Variants in ARID4A observed in about 807,000 individuals in gnomAD.
The protein encoded by ARID4A is AT-rich interactive domain-containing protein 4A.
ARID4A carries 39 observed loss-of-function variants against 148.6 expected under a neutral mutation model. The ratio of observed to expected loss-of-function variants is 0.26; its 90% CI spans 0.20 to 0.34. The LOEUF (loss-of-function observed/expected upper bound fraction) is 0.34, where lower values mean the gene tolerates loss of function less well. ARID4A is among the 10% of genes least tolerant of loss of function. ARID4A has a pLI of 1.00. For missense variants in ARID4A, 1,265 were observed against 1,449.1 expected, an observed-to-expected ratio of 0.87 and a Z score of 2.06; for synonymous variants, 475 against 481.2, an observed-to-expected ratio of 0.99 and a Z score of 0.17.
chr14:58,308,136 G>A (rs1049735466), intron 5 of ARID4A, among the ~76,000 whole-genome samples: 10 of 152,188 alleles, frequency 6.6e-5, no homozygotes, highest in African/African-American at 1.9e-4. Flanking sequence ...CATGAGTAGC[G>A]TTTTAGTGTT....
At chr14:58,317,550 A>G (rs575867383) in intron 5 of ARID4A, among the ~76,000 whole-genome samples, 1 of 151,102 alleles carries the variant, frequency 6.6e-6, no homozygotes, top group African/African-American at 2.4e-5. Context: ...CTCGCCTCCC[A>G]AAGTGCTGGG....
intron 18 of ARID4A, 46 bp from the exon 19 acceptor site, chr14:58,360,855 T>C (rs1891956836): frequency 1.3e-6 from 2 of 1,576,680 alleles, no homozygotes; most frequent in African/African-American, 1.4e-5. Flanking sequence ...TGTTCATTTT[T>C]CGTAAAGCAT....
In ARID4A at chr14:58,347,653, C is replaced by G. The variant is rs17094466; in HGVS notation, c.1179C>G (p.Leu393=). Reference sequence around the variant, plus strand: ...TGAAATATTGTTTGTTTAGGTATCTCTATGGTTTTGAGGAGTACTGCCGTT... The same window carrying G: ...TGAAATATTGTTTGTTTAGGTATCTGTATGGTTTTGAGGAGTACTGCCGTT... ...YNVKTAYRKY[L]YGFEEYCRSA... is the part of the protein sequence containing the mutation. The change falls in exon 15 of 24, where the codon CTC becomes CTG. Residue 393 remains leucine (L), a synonymous_variant. Coordinates refer to ENST00000355431, the MANE Select transcript of ARID4A (RefSeq NM_002892.4). 3.3e-4 allele frequency: 531 copies of G among 1,591,428 alleles called. 3 individuals are homozygous for G. The African/African-American group carries it at 6.5e-3, about 19-fold the overall frequency.
At chr14:58,352,412 T>G (rs916580474) in intron 16 of ARID4A, among the ~76,000 whole-genome samples, 1 of 152,086 alleles carries the variant, frequency 6.6e-6, no homozygotes, top group Non-Finnish European at 1.5e-5. Context: ...GACAAAAAAT[T>G]TAAGCAAAGG....
rs147695938 is a variant in ARID4A at position 58,365,732 on chromosome 14, T to G, written c.3316+110T>G. On this transcript the variant is annotated intron_variant, in intron 21 of 23. Transcript: ENST00000355431. ...ACTATATTGTTTTATAACTGCATTTTCATTTAACAGTATTATACTAGATAT... is the reference window on the plus strand; with the variant it reads ...ACTATATTGTTTTATAACTGCATTTGCATTTAACAGTATTATACTAGATAT... The G allele has an allele frequency of 2.0e-4, 191 of 964,874 alleles. 1 individual carries two copies. In the East Asian group the frequency reaches 5.1e-3, roughly 26 times the overall value. The allele number at this position is 964,874 out of a possible 1,614,324, so 59.8% of individuals were successfully genotyped here.
intron 2 of ARID4A, among the ~76,000 whole-genome samples, chr14:58,301,263 A>AT (rs1265296032): frequency 4.7e-5 from 7 of 148,540 alleles, no homozygotes; most frequent in African/African-American, 1.5e-4. Flanking sequence ...AATATGAAAT[A>AT]TTTTTTCTGT....
chr14:58,367,440 A>G (rs531868546), intron 23 of ARID4A, among the ~76,000 whole-genome samples: 31 of 152,384 alleles, frequency 2.0e-4, no homozygotes, highest in Admixed American at 1.8e-3. Context: ...CAACTAAAAT[A>G]TAAGATAGTG....
chr14:58,313,822 A>G (rs529831717), intron 5 of ARID4A, among the ~76,000 whole-genome samples: 1 of 152,334 alleles, frequency 6.6e-6, no homozygotes, highest in Admixed American at 6.5e-5. Context: ...GAAGGAGAAG[A>G]GTGTCCCAGC....
In ARID4A at chr14:58,318,549, T is replaced by C. The variant is rs372817374; in HGVS notation, c.282T>C (p.Asp94=). 8.1e-6 allele frequency: 13 copies of C among 1,614,168 alleles called. No individual in the cohort carries two copies. The highest frequency in any genetic ancestry group is 1.1e-5 in the Non-Finnish European group (13 of 1,180,008). ...TDASWYTVVF[D]DGDERTLRRT... ...ATCTTTTGCTTATTATAGTGTTTGA[T>C]GATGGTGATGAGCGAACATTGAGAC... is the stretch of plus-strand genomic sequence containing the variant. Residue 94 remains aspartate, a synonymous_variant, in exon 6 of 24, where the codon GAT becomes GAC. Coordinates refer to ENST00000355431, the MANE Select transcript of ARID4A (RefSeq NM_002892.4).
At position 58,337,246 on chromosome 14, in the gene ARID4A, T is replaced by TATATATATATATATATATA. The variant is rs1555361738; in HGVS notation, c.906+7077_906+7078insATATATATATATATATATA. 2.6e-3 allele frequency among the ~76,000 whole-genome samples: 218 copies of TATATATATATATATATATA among 83,782 alleles called. 8 individuals are homozygous for TATATATATATATATATATA. Among genetic ancestry groups the TATATATATATATATATATA allele is most frequent in the South Asian group, 4.5e-3 (11 of 2,468 alleles). The allele number at this position is 83,782 out of a possible 152,430, so 55.0% of individuals were successfully genotyped here. ...AAATCTCCTAGAACCTTCTCTTTAT[T>TATATATATATATATATATA]TATATATATATATATATATATAATT... is the stretch of plus-strand genomic sequence containing the variant. On this transcript the variant is annotated intron_variant, in intron 11 of 23. Transcript: ENST00000355431.
At chr14:58,356,822 C>T (rs2034889058) in intron 17 of ARID4A, among the ~76,000 whole-genome samples, 1 of 151,838 alleles carries the variant, frequency 6.6e-6, no homozygotes, top group South Asian at 2.1e-4. Context: ...CTGCCTCAGC[C>T]TCCCAAGTAG....
rs1193110287 is a variant in ARID4A at position 58,317,150 on chromosome 14, G to C, written c.275-1392G>C. ...GGAGCTTGCAGTGAGCTGAGATCGC[G>C]CCACTGCACTCCAGCCTGGGGGACA... is the stretch of plus-strand genomic sequence containing the variant. On this transcript the variant is annotated intron_variant, in intron 5 of 23. Coordinates refer to ENST00000355431, the MANE Select transcript of ARID4A (RefSeq NM_002892.4). 2.1e-5 allele frequency among the ~76,000 whole-genome samples: 3 copies of C among 140,842 alleles called. No individual in the cohort carries two copies. In the East Asian group the frequency reaches 6.6e-4, roughly 31 times the overall value. The allele number at this position is 140,842 out of a possible 152,430, so 92.4% of individuals were successfully genotyped here.
chr14:58,344,575 A>C (rs918675324), intron 11 of ARID4A, 120 bp from the exon 12 acceptor site: 1 of 664,482 alleles, frequency 1.5e-6, no homozygotes, highest in Non-Finnish European at 2.5e-6. Context: ...TATTGAGAAA[A>C]TTCAGATTTT....
intron 5 of ARID4A, 55 bp downstream of exon 5, chr14:58,306,167 G>A: frequency 8.1e-7 from 1 of 1,227,318 alleles, no homozygotes; most frequent in Non-Finnish European, 1.2e-6. Context: ...ATGTATCTGT[G>A]TTTTGTGGAT....
chr14:58,319,309 C>T (rs1352442065), intron 7 of ARID4A, among the ~76,000 whole-genome samples: 1 of 151,754 alleles, frequency 6.6e-6, no homozygotes, highest in Non-Finnish European at 1.5e-5. Flanking sequence ...CCTCGTGATC[C>T]ACCTGCTTCA....
intron 11 of ARID4A, among the ~76,000 whole-genome samples, chr14:58,339,792 T>C (rs1043533445): frequency 2.0e-5 from 3 of 151,888 alleles, no homozygotes; most frequent in East Asian, 1.9e-4. Context: ...AGGAAACTTA[T>C]AATCAGGACA....
intron 10 of ARID4A, 45 bp downstream of exon 10, chr14:58,329,649 AT>A: frequency 6.8e-7 from 1 of 1,467,984 alleles, no homozygotes; most frequent in Non-Finnish European, 9.5e-7. Flanking sequence ...TTGTGGCTCT[AT>A]TTGGAAAATA....
At chr14:58,330,193 A>G in intron 11 of ARID4A, 24 bp downstream of exon 11, 1 of 1,601,376 alleles carries the variant, frequency 6.2e-7, no homozygotes, top group South Asian at 1.1e-5. Context: ...CATGTTTGTA[A>G]CAAAAACATC....
At chr14:58,329,092 C>G (rs1208511951) in intron 9 of ARID4A, among the ~76,000 whole-genome samples, 1 of 151,740 alleles carries the variant, frequency 6.6e-6, no homozygotes, top group Non-Finnish European at 1.5e-5. Context: ...AGTTATAGTT[C>G]TCTGTGAAAA....
Sources: allele counts gnomAD v4.1 joint callset (sites outside exome capture counted in the v4.1 genomes callset), GRCh38; gene constraint gnomAD v4.1.1; transcripts MANE v1.5; gene names NCBI Gene and HGNC (gene_info 2026-07-23, HGNC 2026-07-21).